Variants in OR11A1 observed in about 807,000 individuals in gnomAD.
OR11A1 encodes the protein olfactory receptor family 11 subfamily A member 1, also known as olfactory receptor 11A1.
For synonymous variants in OR11A1, 158 were observed against 152.2 expected (o/e 1.04, Z -0.28); for missense variants, 380 against 378.2 (o/e 1.00, Z -0.04).
Position 29,427,082 on chromosome 6 carries a change from C to G in OR11A1, c.560G>C (p.Gly187Ala), listed in dbSNP as rs1582528670. Residue 187 changes from glycine to alanine, a missense_variant, in exon 5 of 5, where the codon GGC becomes GCC. By Grantham distance (60) the Gly-to-Ala change is moderately conservative. Coordinates refer to ENST00000377149, the MANE Select transcript of OR11A1 (RefSeq NM_001394828.1). Reference protein sequence around the residue: ...QFYCDFMLFVGLACSDPRVAQ... With the variant: ...QFYCDFMLFVALACSDPRVAQ... ...CACTCTGGGATCCGAGCAAGCCAGG[C>G]CCACGAAAAGCATAAAGTCACAGTA... is the stretch of plus-strand genomic sequence containing the variant. The G allele has an allele frequency of 2.5e-6, 4 of 1,612,368 alleles. No individual in the cohort carries two copies. The highest frequency in any genetic ancestry group is 2.2e-5 in the East Asian group (1 of 44,884).
intron 1 of OR11A1, chr6:29,439,920 T>A: frequency 1.1e-6 from 1 of 879,956 alleles, no homozygotes; most frequent in Non-Finnish European, 1.8e-6. Flanking sequence ...TGCGATCAGA[T>A]GCAGAGAGAG....
intron 1 of OR11A1, among the ~76,000 whole-genome samples, chr6:29,433,705 A>G (rs1783419107): frequency 6.6e-6 from 1 of 152,020 alleles, no homozygotes; most frequent in Non-Finnish European, 1.5e-5. Flanking sequence ...TTGCTGGGTC[A>G]TACAACGGTT....
chr6:29,443,190 T>C (rs1251873678), intron 1 of OR11A1, among the ~76,000 whole-genome samples: 1 of 152,152 alleles, frequency 6.6e-6, no homozygotes, highest in Non-Finnish European at 1.5e-5. Flanking sequence ...TTGACCCATG[T>C]ATGCACCATG....
chr6:29,426,707 T>C lies in OR11A1; in HGVS notation c.935A>G (p.Glu312Gly). Residue 312 changes from glutamate (E) to glycine (G), a missense_variant, in exon 5 of 5, where the codon GAA (glutamate) becomes GGA (glycine). Coordinates refer to ENST00000377149, the MANE Select transcript of OR11A1 (RefSeq NM_001394828.1). ...CATTACTCTCCTTCAATCAAGTGTT[T>C]CAGTTTGTTTGATACAGAGAATCTT... ...LRKILCIKQT[E>G]TLD 6.2e-7 allele frequency: 1 copy of C among 1,609,042 alleles called. No individual in the cohort carries two copies. Among genetic ancestry groups the C allele is most frequent in the Non-Finnish European group, 8.5e-7 (1 of 1,177,570 alleles).
chr6:29,444,269 C>T (rs1784498933), intron 1 of OR11A1, among the ~76,000 whole-genome samples: 1 of 152,188 alleles, frequency 6.6e-6, no homozygotes, highest in African/African-American at 2.4e-5. Context: ...TTGCCTTCCA[C>T]CATGATTGTG....
intron 2 of OR11A1, among the ~76,000 whole-genome samples, chr6:29,431,369 A>T (rs946073795): frequency 6.6e-6 from 1 of 152,174 alleles, no homozygotes; most frequent in Non-Finnish European, 1.5e-5. Flanking sequence ...AAGTCTCTTC[A>T]GTAATTACTC....
At position 29,457,037 on chromosome 6, in the gene OR11A1, T is replaced by C. The variant is rs1263226124; in HGVS notation, c.-439A>G. 3 of 152,150 alleles carry C rather than the reference T, an allele frequency of 2.0e-5. No homozygotes were observed. The highest frequency in any genetic ancestry group is 7.2e-5 in the African/African-American group (3 of 41,430). 9.4% of individuals were successfully genotyped at this position (152,150 alleles called of 1,614,324 possible). ...GTTTTTAGTAGGGAGCCTTAGTTTCTCCCCATATGTGTGTTTCCATTCACT... is the reference window on the plus strand; with the variant it reads ...GTTTTTAGTAGGGAGCCTTAGTTTCCCCCCATATGTGTGTTTCCATTCACT... On this transcript the variant is annotated 5_prime_UTR_variant, in exon 1 of 5. Transcript: ENST00000377149.
intron 1 of OR11A1, among the ~76,000 whole-genome samples, chr6:29,445,284 C>T (rs751518096): frequency 2.6e-5 from 4 of 152,188 alleles, no homozygotes; most frequent in African/African-American, 9.7e-5. Flanking sequence ...GGATTACAGG[C>T]GTGAGCCACT....
intron 1 of OR11A1, chr6:29,440,756 C>G (rs756537824): frequency 1.2e-4 from 198 of 1,613,950 alleles, no homozygotes; most frequent in Middle Eastern, 4.9e-4. Context: ...TGATCATGGT[C>G]TCCCTCTTCT....
intron 1 of OR11A1, among the ~76,000 whole-genome samples, chr6:29,444,740 G>A (rs1370940555): frequency 2.6e-5 from 4 of 152,150 alleles, no homozygotes; most frequent in African/African-American, 7.2e-5. Flanking sequence ...TCAAAAGCTA[G>A]GGAGAGTCCA....
rs865957046 is a variant in OR11A1 at position 29,427,110 on chromosome 6, A to G, written c.532T>C (p.Phe178Leu). 6.2e-7 allele frequency: 1 copy of G among 1,612,924 alleles called. No individual in the cohort carries two copies. Residue 178 changes from phenylalanine to leucine, a missense_variant, in exon 5 of 5, where the codon TTT becomes CTT. Coordinates refer to ENST00000377149, the MANE Select transcript of OR11A1 (RefSeq NM_001394828.1). ...ACGAAAAGCATAAAGTCACAGTAAA[A>G]CTGGTCAATGTGGTTGGGGCCACAG... ...RFCGPNHIDQ[F>L]YCDFMLFVGL... is the part of the protein sequence containing the mutation.
Position 29,426,615 on chromosome 6 carries a change from T to C in OR11A1, c.*79A>G. On this transcript the variant is annotated 3_prime_UTR_variant, in exon 5 of 5. Coordinates refer to ENST00000377149, the MANE Select transcript of OR11A1 (RefSeq NM_001394828.1). ...AAGAGAATGGTCGAATAAGACAAAG[T>C]TACTCCTCTCCAACCCATCCTGGAA... The C allele has an allele frequency of 9.4e-7, 1 of 1,066,516 alleles. No homozygotes were observed. The highest frequency in any genetic ancestry group is 1.4e-6 in the Non-Finnish European group (1 of 740,566). 66.1% of individuals were successfully genotyped at this position (1,066,516 alleles called of 1,614,324 possible).
chr6:29,452,243 G>C (rs1785494339), intron 1 of OR11A1, among the ~76,000 whole-genome samples: 1 of 152,010 alleles, frequency 6.6e-6, no homozygotes, highest in Admixed American at 6.6e-5. Flanking sequence ...TCACTACCTA[G>C]GTGACAAAAT....
rs184502153 is a variant in OR11A1 at position 29,434,810 on chromosome 6, G to C, written c.-388-2823C>G. 1.4e-3 allele frequency among the ~76,000 whole-genome samples: 210 copies of C among 152,190 alleles called. 5 individuals carry two copies. In the East Asian group the frequency reaches 0.021, roughly 15 times the overall value. On this transcript the variant is annotated intron_variant, in intron 1 of 4. Transcript: ENST00000377149. Reference sequence around the variant, plus strand: ...CACCCTGGTGAGAGGTTAATCCTGGGGTATAAATGAAGTCTCCAAAAGTAG... The same window carrying C: ...CACCCTGGTGAGAGGTTAATCCTGGCGTATAAATGAAGTCTCCAAAAGTAG...
chr6:29,439,853 G>A, intron 1 of OR11A1: 1 of 619,638 alleles, frequency 1.6e-6, no homozygotes, highest in East Asian at 2.7e-5. Flanking sequence ...TGGACTCCAG[G>A]CAAGGCTGCC....
At chr6:29,440,046 T>A in intron 1 of OR11A1, 3 of 1,612,654 alleles carry the variant, frequency 1.9e-6, no homozygotes, top group Non-Finnish European at 2.5e-6. Flanking sequence ...GGTGACTGAG[T>A]TTCTTCTTCT....
At chr6:29,449,174 T>C (rs554661262) in intron 1 of OR11A1, among the ~76,000 whole-genome samples, 121 of 152,210 alleles carry the variant, frequency 7.9e-4, no homozygotes, top group African/African-American at 2.8e-3. Flanking sequence ...CAAGAGTGAG[T>C]CCTGAAGTAA....
chr6:29,445,741 T>A (rs1461204176), intron 1 of OR11A1, among the ~76,000 whole-genome samples: 2 of 152,162 alleles, frequency 1.3e-5, no homozygotes, highest in African/African-American at 4.8e-5. Flanking sequence ...GATGTAGGAC[T>A]CAGGAAGAGA....
At chr6:29,455,226 A>G (rs1489837458) in intron 1 of OR11A1, among the ~76,000 whole-genome samples, 1 of 152,202 alleles carries the variant, frequency 6.6e-6, no homozygotes, top group Non-Finnish European at 1.5e-5. Context: ...TGAAACATCA[A>G]ACCACAGACT....
Sources: allele counts gnomAD v4.1 joint callset (sites outside exome capture counted in the v4.1 genomes callset), GRCh38; gene constraint gnomAD v4.1.1; transcripts MANE v1.5; gene names NCBI Gene and HGNC (gene_info 2026-07-23, HGNC 2026-07-21).